Variants in RRP1B observed in about 807,000 individuals in gnomAD.
RRP1B encodes the protein ribosomal RNA processing protein 1 homolog B.
In RRP1B, 56 loss-of-function variants were observed where a neutral mutation model predicts 80.2. The ratio of observed to expected loss-of-function variants is 0.70; its 90% CI spans 0.56 to 0.87. RRP1B has a LOEUF of 0.87. Among genes scored for constraint, RRP1B ranks in the 40% least tolerant of loss-of-function variants. The pLI is 0.00. For synonymous variants in RRP1B, 351 were observed against 357.6 expected, an observed-to-expected ratio of 0.98 and a Z score of 0.21; for missense variants, 807 against 939.8, an observed-to-expected ratio of 0.86 and a Z score of 1.85.
chr21:43,685,716 T>C, intron 10 of RRP1B, 54 bp from the exon 11 acceptor site: 1 of 1,309,176 alleles, frequency 7.6e-7, no homozygotes, highest in Non-Finnish European at 1.0e-6. Context: ...AAGGGATTTC[T>C]TTATGAACAT....
intron 5 of RRP1B, 149 bp downstream of exon 5, chr21:43,674,846 G>C: frequency 1.9e-6 from 2 of 1,037,412 alleles, no homozygotes; most frequent in Non-Finnish European, 1.4e-6. Context: ...GCATAAAACA[G>C]TTAAGTATAT....
intron 13 of RRP1B, among the ~76,000 whole-genome samples, chr21:43,689,430 T>C (rs1203454109): frequency 6.6e-6 from 1 of 152,126 alleles, no homozygotes; most frequent in East Asian, 1.9e-4. Context: ...CAGGAAAGCC[T>C]TACCCAGGGG....
chr21:43,690,307 G>A lies in RRP1B; in HGVS notation c.1886G>A (p.Ser629Asn), dbSNP rs752878962. The A allele has an allele frequency of 4.3e-6, 7 of 1,614,096 alleles. No homozygotes were observed. Among genetic ancestry groups the A allele is most frequent in the Non-Finnish European group, 4.2e-6 (5 of 1,180,026 alleles). Residue 629 changes from serine (S) to asparagine (N), a missense_variant, in exon 14 of 16, where the codon AGT becomes AAT. Ser to Asn is a conservative substitution (Grantham distance 46, BLOSUM62 1). Coordinates refer to ENST00000340648, the MANE Select transcript of RRP1B (RefSeq NM_015056.3). ...PQALGSSGTC[S>N]SLKKQKLRAE... The stretch of plus-strand genomic sequence containing the variant: ...ACGTAGGGAAGCAGTGGGACTTGCA[G>A]TTCCCTGAAGAAGCAGAAGCTGAGG...
intron 2 of RRP1B, 119 bp downstream of exon 2, chr21:43,670,085 A>G (rs927318186): frequency 1.0e-5 from 6 of 599,528 alleles, no homozygotes; most frequent in African/African-American, 3.7e-5. Flanking sequence ...TCATGCTTCA[A>G]GGAGTCATTT....
chr21:43,673,866 G>A lies in RRP1B; in HGVS notation c.272-4G>A. 1 of 1,611,278 alleles carries A rather than the reference G, an allele frequency of 6.2e-7. No individual in the cohort carries two copies. Among genetic ancestry groups the A allele is most frequent in the Non-Finnish European group, 8.5e-7 (1 of 1,177,818 alleles). The stretch of plus-strand genomic sequence containing the variant: ...AAGTATTTAGAGCCTTTTGTTCACT[G>A]CAGAACACCTGTTCATTCAGACCTT... On this transcript the variant is annotated splice_region_variant and splice_polypyrimidine_tract_variant and intron_variant, in intron 3 of 15. Coordinates refer to ENST00000340648, the MANE Select transcript of RRP1B (RefSeq NM_015056.3).
chr21:43,676,988 T>A, intron 8 of RRP1B, 74 bp downstream of exon 8: 1 of 1,449,404 alleles, frequency 6.9e-7, no homozygotes, highest in Admixed American at 1.9e-5. Flanking sequence ...TTTTAATACA[T>A]TTGTTGGCAT....
intron 1 of RRP1B, among the ~76,000 whole-genome samples, chr21:43,662,104 A>G (rs1043527621): frequency 6.6e-6 from 1 of 152,234 alleles, no homozygotes; most frequent in Non-Finnish European, 1.5e-5. Context: ...GCAACCGTAA[A>G]AGGTCTTGGC....
intron 8 of RRP1B, among the ~76,000 whole-genome samples, chr21:43,680,403 C>A (rs1159606176): frequency 4.7e-5 from 7 of 148,550 alleles, no homozygotes; most frequent in African/African-American, 7.4e-5. Flanking sequence ...ACTAAAAATA[C>A]AAAAAAAAAA....
intron 15 of RRP1B, among the ~76,000 whole-genome samples, chr21:43,692,708 A>G (rs1163895832): frequency 1.3e-5 from 2 of 152,070 alleles, no homozygotes; most frequent in Non-Finnish European, 2.9e-5. Flanking sequence ...ATGCACCAGT[A>G]TATATGTGTG....
At chr21:43,685,918 A>G (rs1004956114) in intron 11 of RRP1B, 129 bp downstream of exon 11, 43 of 1,251,638 alleles carry the variant, frequency 3.4e-5, no homozygotes, top group Non-Finnish European at 4.7e-5. Context: ...AAGAAATAAT[A>G]GTCCCTAGCC....
Position 43,669,734 on chromosome 21 carries a change from T to C in RRP1B, c.131-150T>C, listed in dbSNP as rs950013331. 4.9e-5 allele frequency: 27 copies of C among 549,448 alleles called. No homozygotes were observed. In the South Asian group the frequency reaches 6.8e-4, roughly 14 times the overall value. 34.0% of individuals were successfully genotyped at this position (549,448 alleles called of 1,614,324 possible). On this transcript the variant is annotated intron_variant, in intron 1 of 15. Coordinates refer to ENST00000340648, the MANE Select transcript of RRP1B (RefSeq NM_015056.3). ...ACAGTAGTAATTTATTTGTGTTTCT[T>C]TTATAACAATAAGGAAATGTTTGCT... is the stretch of plus-strand genomic sequence containing the variant.
intron 15 of RRP1B, among the ~76,000 whole-genome samples, chr21:43,692,522 C>T (rs1001749369): frequency 1.3e-5 from 2 of 151,802 alleles, no homozygotes; most frequent in African/African-American, 2.4e-5. Context: ...TTGCTTGAAC[C>T]CAGGAGATGG....
chr21:43,673,494 T>C (rs1353453239), intron 3 of RRP1B, among the ~76,000 whole-genome samples: 2 of 151,562 alleles, frequency 1.3e-5, no homozygotes, highest in East Asian at 3.9e-4. Context: ...ATTAGCCGGG[T>C]GTGGTGGTGC....
intron 8 of RRP1B, among the ~76,000 whole-genome samples, chr21:43,678,283 CTGAG>C (rs1310375457): frequency 6.6e-6 from 1 of 152,166 alleles, no homozygotes; most frequent in East Asian, 1.9e-4. Context: ...CCTCAGCCTC[CTGAG>C]TAACTGGGAT....
intron 8 of RRP1B, among the ~76,000 whole-genome samples, chr21:43,677,278 G>A (rs1055835916): frequency 6.6e-6 from 1 of 152,148 alleles, no homozygotes; most frequent in Non-Finnish European, 1.5e-5. Flanking sequence ...CGGGTTACTC[G>A]AGGGACGTAC....
chr21:43,675,843 CATTTTATTTTATTTTATTTTATTTT>C (rs374076927), intron 6 of RRP1B, among the ~76,000 whole-genome samples: 12 of 142,952 alleles, frequency 8.4e-5, no homozygotes, highest in African/African-American at 1.9e-4. Flanking sequence ...GGGTATTTTG[CATTTTATTTTATTTTATTTTATTTT>C]ATTTTATTTT....
chr21:43,686,701 C>T (rs369324315), intron 11 of RRP1B, 103 bp from the exon 12 acceptor site: 39 of 1,343,512 alleles, frequency 2.9e-5, no homozygotes, highest in East Asian at 7.0e-5. Context: ...CGGTGAGGAA[C>T]GATGATGATG....
At chr21:43,685,886 A>G in intron 11 of RRP1B, 97 bp downstream of exon 11, 1 of 1,435,892 alleles carries the variant, frequency 7.0e-7, no homozygotes, top group South Asian at 1.3e-5. Flanking sequence ...AGATTGAAAG[A>G]ACTTTACTGA....
chr21:43,669,926 T>C lies in RRP1B; in HGVS notation c.173T>C (p.Leu58Pro). The C allele has an allele frequency of 6.2e-7, 1 of 1,613,366 alleles. No individual in the cohort carries two copies. The highest frequency in any genetic ancestry group is 8.5e-7 in the Non-Finnish European group (1 of 1,179,380). Residue 58 changes from leucine to proline, a missense_variant, in exon 2 of 16, where the codon CTC (leucine) becomes CCC (proline). Transcript: ENST00000340648. ...QEELLKIWKG[L>P]FYCMWVQDEP... ...GAACTTCTGAAAATCTGGAAGGGGC[T>C]CTTCTACTGCATGTGGGTGCAGGAT...
Sources: gnomAD v4.1 joint callset for allele counts (sites outside exome capture counted in the v4.1 genomes callset) on GRCh38, gnomAD v4.1.1 for gene constraint, MANE v1.5 for transcripts, NCBI Gene and HGNC (gene_info 2026-07-23, HGNC 2026-07-21) for gene names.